FLT1: variants seen among roughly 807,000 people sequenced by gnomAD.
FLT1 encodes the protein vascular endothelial growth factor receptor 1.
In FLT1, 49 loss-of-function variants were observed where a neutral mutation model predicts 156.3. The ratio of observed to expected loss-of-function variants is 0.31; its 90% CI spans 0.25 to 0.40. The LOEUF (loss-of-function observed/expected upper bound fraction) is 0.40, where lower values mean the gene tolerates loss of function less well. FLT1 is among the 10% of genes least tolerant of loss of function. The probability of loss-of-function intolerance (pLI) is 1.00; values close to 1 mark genes in which losing one functional copy is unlikely to be tolerated. For synonymous variants in FLT1, 594 were observed against 583.8 expected, an observed-to-expected ratio of 1.02 and a Z score of -0.25; for missense variants, 1,322 against 1,637.2, an observed-to-expected ratio of 0.81 and a Z score of 3.32.
chr13:28,316,283 C>G (rs748430640), intron 25 of FLT1, among the ~76,000 whole-genome samples: 3 of 152,244 alleles, frequency 2.0e-5, no homozygotes, highest in Non-Finnish European at 4.4e-5. Flanking sequence ...TGACTTTGCC[C>G]TTTGGCCAAG....
intron 27 of FLT1, among the ~76,000 whole-genome samples, chr13:28,310,791 T>C (rs1268517348): frequency 1.3e-5 from 2 of 152,106 alleles, no homozygotes; most frequent in Non-Finnish European, 2.9e-5. Flanking sequence ...AAATTCAATG[T>C]AATGGGGAAA....
intron 10 of FLT1, among the ~76,000 whole-genome samples, chr13:28,408,898 G>GA (rs150631409): frequency 5.3e-5 from 8 of 150,106 alleles, no homozygotes; most frequent in Non-Finnish European, 7.4e-5. Flanking sequence ...CCCCTGAAAG[G>GA]AAAAAAAAAA....
chr13:28,323,880 A>T (rs1026272867), intron 20 of FLT1, among the ~76,000 whole-genome samples: 1 of 152,110 alleles, frequency 6.6e-6, no homozygotes, highest in African/African-American at 2.4e-5. Context: ...GAACATGGAC[A>T]TTGCTTTTTT....
chr13:28,405,060 T>C (rs1475739905), intron 11 of FLT1, among the ~76,000 whole-genome samples: 1 of 151,320 alleles, frequency 6.6e-6, no homozygotes, highest in Non-Finnish European at 1.5e-5. Context: ...TCACTATCCC[T>C]GTGCCAGACA....
chr13:28,435,578 T>C lies in FLT1; in HGVS notation c.514-1358A>G, dbSNP rs145246121. Among the ~76,000 whole-genome samples, 516 of 152,320 alleles carry C rather than the reference T, an allele frequency of 3.4e-3. 2 individuals are homozygous for C. Among genetic ancestry groups the C allele is most frequent in the Non-Finnish European group, 6.1e-3 (412 of 68,028 alleles). ...AGCCACAAAGAAGCTCGAAACCTTTTCTATCGCCTTTTAAAAAGTACACCT... is the reference window on the plus strand; with the variant it reads ...AGCCACAAAGAAGCTCGAAACCTTTCCTATCGCCTTTTAAAAAGTACACCT... On this transcript the variant is annotated intron_variant, in intron 4 of 29. Transcript: ENST00000282397.
At chr13:28,344,451 GCTGATTAAAGCCAATCTCCC>G (rs143510508) in intron 16 of FLT1, among the ~76,000 whole-genome samples, 1,567 of 152,296 alleles carry the variant, frequency 0.01, 28 homozygotes, top group African/African-American at 0.036. Context: ...CATTTGTGTG[GCTGATTAAAGCCAATCTCCC>G]CTGACTGCTC....
intron 10 of FLT1, among the ~76,000 whole-genome samples, chr13:28,426,729 G>C (rs1004161655): frequency 6.6e-6 from 1 of 152,142 alleles, no homozygotes; most frequent in Admixed American, 6.6e-5. Context: ...CCCAAAAGTA[G>C]GAAACATAGT....
intron 3 of FLT1, among the ~76,000 whole-genome samples, chr13:28,446,047 A>G (rs141091611): frequency 1.1e-4 from 16 of 152,352 alleles, no homozygotes; most frequent in African/African-American, 3.8e-4. Flanking sequence ...TAGAATAAAC[A>G]TCAAAACCCA....
chr13:28,320,072 T>C (rs1201413243), intron 23 of FLT1, among the ~76,000 whole-genome samples: 1 of 152,188 alleles, frequency 6.6e-6, no homozygotes, highest in Non-Finnish European at 1.5e-5. Context: ...TTTTCAAACA[T>C]GTAGACAAAT....
At chr13:28,367,380 T>C (rs1281236868) in intron 14 of FLT1, among the ~76,000 whole-genome samples, 1 of 152,222 alleles carries the variant, frequency 6.6e-6, no homozygotes, top group East Asian at 1.9e-4. Context: ...TTACTTATTA[T>C]GTTGGTTGCT....
At chr13:28,467,791 A>T (rs926401170) in intron 1 of FLT1, among the ~76,000 whole-genome samples, 174 bp from the exon 2 acceptor site, 3 of 152,044 alleles carry the variant, frequency 2.0e-5, no homozygotes, top group Non-Finnish European at 4.4e-5. Flanking sequence ...TTAATTCACA[A>T]ATTTTTTCTA....
Position 28,306,693 on chromosome 13 carries a change from G to T in FLT1, c.3800C>A (p.Ala1267Asp), listed in dbSNP as rs201402962. ...RFTWTDSKPKASLKIDLRVTS... is the reference protein window; with the variant it reads ...RFTWTDSKPKDSLKIDLRVTS... ...CAATTCTTACTCAATCTTGAGCGAG[G>T]CCTTGGGTTTGCTGTCAGTCCAGGT... is the stretch of plus-strand genomic sequence containing the variant. The change falls in exon 29 of 30, where the codon GCC becomes GAC. Residue 1267 changes from alanine (A) to aspartate (D), a missense_variant. By Grantham distance (126) the Ala-to-Asp change is moderately radical. Coordinates refer to ENST00000282397, the MANE Select transcript of FLT1 (RefSeq NM_002019.4). The T allele has an allele frequency of 6.2e-7, 1 of 1,612,514 alleles. No individual in the cohort carries two copies. The highest frequency in any genetic ancestry group is 8.5e-7 in the Non-Finnish European group (1 of 1,178,544).
rs991944600 is a variant in FLT1 at position 28,343,917 on chromosome 13, C to T, written c.2355+1528G>A. On this transcript the variant is annotated intron_variant, in intron 16 of 29. Coordinates refer to ENST00000282397, the MANE Select transcript of FLT1 (RefSeq NM_002019.4). ...TCAGCCTCCCAAAGTGCTGGGATTACAGGCGTGAGCCACCGCGCCCGGCAG... is the reference window on the plus strand; with the variant it reads ...TCAGCCTCCCAAAGTGCTGGGATTATAGGCGTGAGCCACCGCGCCCGGCAG... Among the ~76,000 whole-genome samples the T allele has an allele frequency of 5.6e-4, 85 of 152,090 alleles. 3 individuals carry two copies. The highest frequency in any genetic ancestry group is 2.5e-4 in the Non-Finnish European group (17 of 68,012).
chr13:28,454,696 G>T (rs1384413603), intron 3 of FLT1, among the ~76,000 whole-genome samples: 1 of 151,996 alleles, frequency 6.6e-6, no homozygotes, highest in Non-Finnish European at 1.5e-5. Flanking sequence ...GATTGGAAAA[G>T]AAAAAATAAA....
intron 3 of FLT1, among the ~76,000 whole-genome samples, chr13:28,450,948 T>C (rs1878893887): frequency 6.6e-6 from 1 of 152,062 alleles, no homozygotes; most frequent in South Asian, 2.1e-4. Context: ...CCACACTCAG[T>C]GGGAGAAATG....
intron 13 of FLT1, chr13:28,387,322 C>T (rs1439575582): frequency 1.9e-6 from 2 of 1,045,896 alleles, no homozygotes; most frequent in Non-Finnish European, 2.3e-6. Context: ...ACCAATCAAC[C>T]CAAGAATCAT....
intron 14 of FLT1, among the ~76,000 whole-genome samples, chr13:28,367,315 A>G (rs1306751432): frequency 1.3e-5 from 2 of 152,222 alleles, no homozygotes; most frequent in Non-Finnish European, 2.9e-5. Context: ...TTTTTGTAGA[A>G]ACGTGTGGTG....
At chr13:28,437,090 G>A (rs989449610) in intron 4 of FLT1, among the ~76,000 whole-genome samples, 1 of 152,174 alleles carries the variant, frequency 6.6e-6, no homozygotes, top group Non-Finnish European at 1.5e-5. Flanking sequence ...TATGACCTGC[G>A]AAGTTCCTGA....
At chr13:28,407,364 T>C (rs920133076) in intron 10 of FLT1, among the ~76,000 whole-genome samples, 1 of 138,406 alleles carries the variant, frequency 7.2e-6, no homozygotes, top group Non-Finnish European at 1.6e-5. Flanking sequence ...TGGTTTCATC[T>C]ACCCCTTTTT....
Sources: allele counts gnomAD v4.1 joint callset (sites outside exome capture counted in the v4.1 genomes callset), GRCh38; gene constraint gnomAD v4.1.1; transcripts MANE v1.5; gene names NCBI Gene and HGNC (gene_info 2026-07-23, HGNC 2026-07-21).